Variants in ABCB1 observed in about 807,000 individuals in gnomAD.
ABCB1 encodes ATP binding cassette subfamily B member 1, also known as ATP-dependent translocase ABCB1.
In ABCB1, 69 loss-of-function variants were observed where a neutral mutation model predicts 142.0. That is an observed-to-expected ratio of 0.49 (90% CI 0.40 to 0.59). The LOEUF (loss-of-function observed/expected upper bound fraction) is 0.59, where lower values mean the gene tolerates loss of function less well. Ranked by LOEUF, ABCB1 falls within the 20% of genes least tolerant of loss-of-function variation. The probability of loss-of-function intolerance (pLI) is 0.00; values close to 1 mark genes in which losing one functional copy is unlikely to be tolerated. For missense variants in ABCB1, 1,326 were observed against 1,554.7 expected, an observed-to-expected ratio of 0.85 and a Z score of 2.47; for synonymous variants, 532 against 539.2, an observed-to-expected ratio of 0.99 and a Z score of 0.18.
At chr7:87,561,175 A>G in intron 8 of ABCB1, 88 bp downstream of exon 8, 1 of 1,494,904 alleles carries the variant, frequency 6.7e-7, no homozygotes, top group Non-Finnish European at 9.2e-7. Context: ...ATATGGGAGA[A>G]AATGCTTATA....
intron 1 of ABCB1, among the ~76,000 whole-genome samples, chr7:87,685,940 C>T (rs935029975): frequency 5.3e-5 from 8 of 152,146 alleles, no homozygotes; most frequent in Admixed American, 3.9e-4. Context: ...GAAAGCTGGA[C>T]AATTTGTCAC....
Position 87,561,323 on chromosome 7 carries a change from T to G in ABCB1, c.767A>C (p.Glu256Ala), listed in dbSNP as rs1362919289. The change falls in exon 8 of 28, where the codon GAG becomes GCG. Residue 256 changes from glutamate to alanine, a missense_variant. Transcript: ENST00000622132. Reference protein sequence around the residue: ...AYAKAGAVAEEVLAAIRTVIA... With the variant: ...AYAKAGAVAEAVLAAIRTVIA... Reference sequence around the variant, plus strand: ...CACAGTTCTAATTGCTGCCAAGACCTCTTCAGCTACTGCTCCAGCTTTTGC... The same window carrying G: ...CACAGTTCTAATTGCTGCCAAGACCGCTTCAGCTACTGCTCCAGCTTTTGC... The G allele has an allele frequency of 1.2e-6, 2 of 1,614,048 alleles. No individual in the cohort carries two copies. The highest frequency in any genetic ancestry group is 1.7e-5 in the Admixed American group (1 of 60,002).
At chr7:87,660,966 A>G (rs995367259) in intron 1 of ABCB1, among the ~76,000 whole-genome samples, 1 of 152,016 alleles carries the variant, frequency 6.6e-6, no homozygotes, top group Non-Finnish European at 1.5e-5. Context: ...TTAAGGGCCT[A>G]GTTTATAGTT....
intron 1 of ABCB1, among the ~76,000 whole-genome samples, chr7:87,687,214 C>T (rs1164630708): frequency 1.3e-5 from 2 of 151,676 alleles, no homozygotes; most frequent in Admixed American, 1.3e-4. Context: ...TGTTCTCTAC[C>T]CTTATCAGTC....
intron 4 of ABCB1, among the ~76,000 whole-genome samples, chr7:87,584,953 C>G (rs970580792): frequency 2.7e-5 from 4 of 150,780 alleles, no homozygotes; most frequent in African/African-American, 7.4e-5. Context: ...CCTAAAATAC[C>G]CCCCCACACA....
At chr7:87,632,661 A>C (rs1416631405) in intron 1 of ABCB1, among the ~76,000 whole-genome samples, 1 of 152,122 alleles carries the variant, frequency 6.6e-6, no homozygotes, top group Non-Finnish European at 1.5e-5. Context: ...AGATTTTTTT[A>C]ACTTGCATTT....
At chr7:87,509,891 G>A (rs1563026831) in intron 25 of ABCB1, among the ~76,000 whole-genome samples, 1 of 152,158 alleles carries the variant, frequency 6.6e-6, no homozygotes, top group Non-Finnish European at 1.5e-5. Context: ...AATCATAAGG[G>A]CTCTTAACTG....
chr7:87,638,583 G>A (rs1340333137), intron 1 of ABCB1, among the ~76,000 whole-genome samples: 2 of 151,636 alleles, frequency 1.3e-5, no homozygotes, highest in Non-Finnish European at 2.9e-5. Flanking sequence ...GTTTTTCAAG[G>A]AACATACCTA....
Position 87,539,252 on chromosome 7 carries a change from C to A in ABCB1, c.2397+16G>T. The A allele has an allele frequency of 2.5e-6, 4 of 1,613,154 alleles. No homozygotes were observed. The highest frequency in any genetic ancestry group is 2.7e-5 in the African/African-American group (2 of 75,010). ...GAGTTCTACACATCCCAGGGCACAGCCCTCGATAGACATACCTGTCTGAGC... is the reference window on the plus strand; with the variant it reads ...GAGTTCTACACATCCCAGGGCACAGACCTCGATAGACATACCTGTCTGAGC... On this transcript the variant is annotated intron_variant, in intron 19 of 27. Transcript: ENST00000622132.
At chr7:87,572,944 G>A (rs191457350) in intron 4 of ABCB1, among the ~76,000 whole-genome samples, 3 of 152,180 alleles carry the variant, frequency 2.0e-5, no homozygotes, top group East Asian at 3.9e-4. Flanking sequence ...TAACTAGTGG[G>A]TACTAGGCTT....
chr7:87,592,364 G>T (rs565960134), intron 3 of ABCB1, among the ~76,000 whole-genome samples: 2 of 152,350 alleles, frequency 1.3e-5, no homozygotes, highest in East Asian at 3.9e-4. Context: ...AACAGATTCA[G>T]ACACAGGTAG....
chr7:87,577,500 T>C (rs1308109727), intron 4 of ABCB1, among the ~76,000 whole-genome samples: 1 of 152,220 alleles, frequency 6.6e-6, no homozygotes. Context: ...TTCTCCATCA[T>C]GGTTGTACTA....
At chr7:87,706,102 T>C (rs762836917) in intron 1 of ABCB1, among the ~76,000 whole-genome samples, 13 of 152,212 alleles carry the variant, frequency 8.5e-5, no homozygotes, top group Admixed American at 3.9e-4. Flanking sequence ...CATTCCTTCA[T>C]TGTTTAATTA....
At chr7:87,647,697 C>T (rs1434074253) in intron 1 of ABCB1, among the ~76,000 whole-genome samples, 2 of 152,102 alleles carry the variant, frequency 1.3e-5, no homozygotes, top group African/African-American at 4.8e-5. Flanking sequence ...TGAGTAGTTG[C>T]ATAAAATACA....
At chr7:87,546,396 G>A (rs1266505492) in intron 14 of ABCB1, among the ~76,000 whole-genome samples, 1 of 151,958 alleles carries the variant, frequency 6.6e-6, no homozygotes, top group Admixed American at 6.6e-5. Flanking sequence ...AGACCATCCT[G>A]GCTAACACAG....
chr7:87,580,572 G>T (rs544203472), intron 4 of ABCB1, among the ~76,000 whole-genome samples: 1 of 152,062 alleles, frequency 6.6e-6, no homozygotes, highest in South Asian at 2.1e-4. Context: ...CAACATTCTC[G>T]TACTTGAATA....
At chr7:87,514,115 G>C (rs557434578) in intron 25 of ABCB1, among the ~76,000 whole-genome samples, 1 of 152,142 alleles carries the variant, frequency 6.6e-6, no homozygotes, top group African/African-American at 2.4e-5. Context: ...AAGAGTGACC[G>C]CTGTGAGGAA....
chr7:87,696,990 A>T (rs1828547794), intron 1 of ABCB1, among the ~76,000 whole-genome samples: 1 of 152,148 alleles, frequency 6.6e-6, no homozygotes, highest in African/African-American at 2.4e-5. Context: ...AGGGCTTTTT[A>T]AATACTCTTT....
intron 18 of ABCB1, 53 bp from the exon 19 acceptor site, chr7:87,539,398 GAGGGA>G: frequency 6.5e-7 from 1 of 1,542,136 alleles, no homozygotes; most frequent in Non-Finnish European, 9.0e-7. Flanking sequence ...TAAATAAAAG[GAGGGA>G]GAATTGATGT....
Sources: allele counts gnomAD v4.1 joint callset (sites outside exome capture counted in the v4.1 genomes callset), GRCh38; gene constraint gnomAD v4.1.1; transcripts MANE v1.5; gene names NCBI Gene and HGNC (gene_info 2026-07-23, HGNC 2026-07-21).